SPART: variants seen among roughly 807,000 people sequenced by gnomAD.
SPART encodes the protein spartin, also known as spastic paraplegia 20 (Troyer syndrome).
A neutral mutation model predicts 58.7 loss-of-function variants in SPART; 35 were observed. The observed-to-expected ratio is 0.60, with a 90% confidence interval of 0.46 to 0.79. The LOEUF is 0.79. Ranked by LOEUF, SPART falls within the 30% of genes least tolerant of loss-of-function variation. SPART has a pLI of 0.00. For missense variants in SPART, 730 were observed against 786.1 expected (o/e 0.93, Z 0.85); for synonymous variants, 284 against 280.7 (o/e 1.01, Z -0.12).
Position 36,304,367 on chromosome 13 carries a change from A to T in SPART, c.1999T>A (p.Ter667ArgextTer1), listed in dbSNP as rs141364613. 2.1e-4 allele frequency: 333 copies of T among 1,614,024 alleles called. 1 individual carries two copies. In the African/African-American group the frequency reaches 4.1e-3, roughly 20 times the overall value. The change falls in exon 9 of 9, where the codon TGA (stop) becomes AGA (arginine). Residue 667 changes from the stop codon to arginine (R), a stop_lost. Coordinates refer to ENST00000438666, the MANE Select transcript of SPART (RefSeq NM_015087.5). Reference sequence around the variant, plus strand: ...TATAAGTGATTCCCAGCACTTCATCATTTATCTTTCTTCTTTGCCTCCTTT... The same window carrying T: ...TATAAGTGATTCCCAGCACTTCATCTTTTATCTTTCTTCTTTGCCTCCTTT... ...EVKEAKKKDK[*>R]
chr13:36,304,692 G>A (rs1880331321), intron 8 of SPART, 60 bp from the exon 9 acceptor site: 1 of 1,541,668 alleles, frequency 6.5e-7, no homozygotes, highest in Non-Finnish European at 8.8e-7. Flanking sequence ...AAGGTCTTCT[G>A]AATTAGTATT....
chr13:36,322,544 C>G (rs1882516787), intron 5 of SPART, among the ~76,000 whole-genome samples: 3 of 152,180 alleles, frequency 2.0e-5, no homozygotes, highest in Non-Finnish European at 2.9e-5. Context: ...ATATAGAACC[C>G]AACTTTTCTG....
At chr13:36,365,621 A>G (rs3736920) in intron 1 of SPART, 327,563 of 468,390 alleles carry the variant, frequency 0.7, 115,518 homozygotes, top group East Asian at 0.81. Flanking sequence ...TGAAATATTT[A>G]TCCAACTTTA....
rs1450274686 is a variant in SPART at position 36,330,231 on chromosome 13, CAGTGA to C, written c.1009-719_1009-715del. ...TAAGAGCATCATTTCACTCAGTAAA[CAGTGA>C]AGTGAAGATGAACTCCTTCATTTGA... is the stretch of plus-strand genomic sequence containing the variant. On this transcript the variant is annotated intron_variant, in intron 3 of 8. Coordinates refer to ENST00000438666, the MANE Select transcript of SPART (RefSeq NM_015087.5). 6.6e-5 allele frequency among the ~76,000 whole-genome samples: 10 copies of C among 152,270 alleles called. No individual in the cohort carries two copies. In the East Asian group the frequency reaches 1.7e-3, roughly 27 times the overall value.
At chr13:36,358,272 T>A (rs1455885622) in intron 1 of SPART, among the ~76,000 whole-genome samples, 1 of 152,174 alleles carries the variant, frequency 6.6e-6, no homozygotes, top group Non-Finnish European at 1.5e-5. Flanking sequence ...TATTTCTTAG[T>A]CTTTTTTGCA....
At chr13:36,353,034 G>A (rs1005554024) in intron 1 of SPART, among the ~76,000 whole-genome samples, 11 of 152,152 alleles carry the variant, frequency 7.2e-5, no homozygotes, top group Non-Finnish European at 1.3e-4. Flanking sequence ...GACTCAGAAC[G>A]AAATTTCCAA....
chr13:36,369,252 A>C (rs1886182964), intron 1 of SPART, among the ~76,000 whole-genome samples: 1 of 152,162 alleles, frequency 6.6e-6, no homozygotes, highest in South Asian at 2.1e-4. Context: ...GCTGTTGTTG[A>C]AAAAATGGTA....
chr13:36,312,333 G>A lies in SPART; in HGVS notation c.1628C>T (p.Ala543Val). The change falls in exon 7 of 9, where the codon GCA becomes GTA. Residue 543 changes from alanine (A) to valine (V), a missense_variant. Physicochemically the swap from Ala to Val is moderately conservative, Grantham distance 64. Transcript: ENST00000438666. ...CCCTTTGTTACCTTGAACACTACTT[G>A]CTGCTACAACCATAGCACCATCCAG... ...SPLDGAMVVAASSVQGFSTVW... is the reference protein window; with the variant it reads ...SPLDGAMVVAVSSVQGFSTVW... 1 of 1,613,994 alleles carries A rather than the reference G, an allele frequency of 6.2e-7. No individual in the cohort carries two copies.
upstream of SPART, among the ~76,000 whole-genome samples, chr13:36,349,587 C>T (rs1381193813): frequency 1.3e-5 from 2 of 152,192 alleles, no homozygotes; most frequent in Admixed American, 1.3e-4. Context: ...GTTTGCTCCT[C>T]AGTACCTGGT....
chr13:36,316,780 C>T (rs1275372406), intron 5 of SPART, among the ~76,000 whole-genome samples: 1 of 152,166 alleles, frequency 6.6e-6, no homozygotes, highest in Admixed American at 6.5e-5. Flanking sequence ...AAATTTGGTG[C>T]CGTGACTCGG....
chr13:36,316,360 C>T (rs1481852844), intron 5 of SPART, among the ~76,000 whole-genome samples: 1 of 152,216 alleles, frequency 6.6e-6, no homozygotes, highest in African/African-American at 2.4e-5. Flanking sequence ...GCCATCGCAT[C>T]CCCTGTGACT....
intron 1 of SPART, among the ~76,000 whole-genome samples, chr13:36,353,285 G>A (rs191449014): frequency 4.1e-3 from 625 of 152,330 alleles, no homozygotes; most frequent in Non-Finnish European, 7.0e-3. Flanking sequence ...GCTCCTTAGG[G>A]AAAGGAAAGG....
At chr13:36,315,412 T>A (rs141614960) in intron 5 of SPART, among the ~76,000 whole-genome samples, 170 of 152,378 alleles carry the variant, frequency 1.1e-3, no homozygotes, top group African/African-American at 4.0e-3. Context: ...TATGAAATAC[T>A]TAATTATGTT....
chr13:36,316,572 C>A (rs561296560), intron 5 of SPART, among the ~76,000 whole-genome samples: 144 of 152,188 alleles, frequency 9.5e-4, no homozygotes, highest in Non-Finnish European at 1.9e-3. Flanking sequence ...ACCTTGCGAC[C>A]CCCACTCCTA....
intron 2 of SPART, among the ~76,000 whole-genome samples, chr13:36,333,427 G>GT (rs1555262844): frequency 4.4e-4 from 20 of 45,578 alleles, no homozygotes; most frequent in African/African-American, 1.5e-3. Flanking sequence ...GATTATTATT[G>GT]TATTTTTTTT....
chr13:36,305,355 T>C (rs1438563439), intron 8 of SPART, among the ~76,000 whole-genome samples: 4 of 152,198 alleles, frequency 2.6e-5, no homozygotes, highest in African/African-American at 4.8e-5. Context: ...CTGCTTTTTT[T>C]CTCCCATTAC....
upstream of SPART, among the ~76,000 whole-genome samples, chr13:36,348,749 T>C (rs572549132): frequency 6.6e-6 from 1 of 152,312 alleles, no homozygotes; most frequent in South Asian, 2.1e-4. Context: ...AGACTTCATA[T>C]TGGGAAGATG....
chr13:36,359,923 T>TTAAA (rs1555266090), intron 1 of SPART, among the ~76,000 whole-genome samples: 4 of 120,308 alleles, frequency 3.3e-5, no homozygotes, highest in Non-Finnish European at 4.9e-5. Flanking sequence ...GTTGTTAATT[T>TTAAA]AAAAAAAAAA....
chr13:36,337,298 A>T (rs896363493), intron 1 of SPART, among the ~76,000 whole-genome samples: 1 of 152,134 alleles, frequency 6.6e-6, no homozygotes, highest in Non-Finnish European at 1.5e-5. Context: ...CAGGGCATCC[A>T]TGCTGTCTAT....
Sources: allele counts gnomAD v4.1 joint callset (sites outside exome capture counted in the v4.1 genomes callset), GRCh38; gene constraint gnomAD v4.1.1; transcripts MANE v1.5; gene names NCBI Gene and HGNC (gene_info 2026-07-23, HGNC 2026-07-21).